The following RPS6KC1 variants were observed in gnomAD, a reference collection of about 807,000 sequenced individuals.
The protein encoded by RPS6KC1 is inactive ribosomal protein S6 kinase delta-1.
A neutral mutation model predicts 103.8 loss-of-function variants in RPS6KC1; 54 were observed. The ratio of observed to expected loss-of-function variants is 0.52; its 90% CI spans 0.42 to 0.65. The LOEUF is 0.65. RPS6KC1 is among the 30% of genes least tolerant of loss of function. The pLI, the probability that RPS6KC1 is intolerant of heterozygous loss-of-function variation, is 0.00. For synonymous variants in RPS6KC1, 439 were observed against 438.7 expected (o/e 1.00, Z -0.01); for missense variants, 1,151 against 1,253.8 (o/e 0.92, Z 1.24).
chr1:213,743,360 C>A, the RPS6KC1 span, among the ~76,000 whole-genome samples: 1 of 151,936 alleles, frequency 6.6e-6, no homozygotes, highest in African/African-American at 2.4e-5. Context: ...TAAACATGAA[C>A]AATAGACACT....
the RPS6KC1 span, among the ~76,000 whole-genome samples, chr1:213,810,105 C>A: frequency 6.6e-6 from 1 of 152,168 alleles, no homozygotes; most frequent in African/African-American, 2.4e-5. Flanking sequence ...CGTTGAGAAG[C>A]CTTGGAGGGC....
At chr1:213,700,571 T>C in the RPS6KC1 span, among the ~76,000 whole-genome samples, 1 of 151,988 alleles carries the variant, frequency 6.6e-6, no homozygotes, top group Non-Finnish European at 1.5e-5. Flanking sequence ...TTTAGGATTT[T>C]TTTTTTCTAT....
the RPS6KC1 span, among the ~76,000 whole-genome samples, chr1:213,581,592 A>G: frequency 1.3e-5 from 2 of 152,064 alleles, no homozygotes; most frequent in Admixed American, 1.3e-4. Context: ...CCATGTGGAA[A>G]AATGCCCAGG....
chr1:213,573,258 A>G, the RPS6KC1 span, among the ~76,000 whole-genome samples: 5 of 152,326 alleles, frequency 3.3e-5, no homozygotes, highest in Admixed American at 1.3e-4. Context: ...GCAGGCCACT[A>G]TAGTTCCAGG....
At chr1:213,761,063 T>A in the RPS6KC1 span, among the ~76,000 whole-genome samples, 1 of 152,060 alleles carries the variant, frequency 6.6e-6, no homozygotes, top group Non-Finnish European at 1.5e-5. Flanking sequence ...CTGGTCTCGG[T>A]GACTCTGTTA....
At chr1:213,552,243 G>T in the RPS6KC1 span, among the ~76,000 whole-genome samples, 1 of 152,206 alleles carries the variant, frequency 6.6e-6, no homozygotes, top group Non-Finnish European at 1.5e-5. Context: ...GGATGATGTA[G>T]TAAGAGTATG....
the RPS6KC1 span, among the ~76,000 whole-genome samples, chr1:213,479,276 C>T: frequency 6.6e-6 from 1 of 152,028 alleles, no homozygotes; most frequent in Admixed American, 6.6e-5. Flanking sequence ...ACAAGATTTG[C>T]AGAGTATCTA....
the RPS6KC1 span, among the ~76,000 whole-genome samples, chr1:213,283,923 AC>A: frequency 6.6e-6 from 1 of 152,184 alleles, no homozygotes; most frequent in Non-Finnish European, 1.5e-5. Flanking sequence ...GTTGAGGAAA[AC>A]TAATTTCATG....
the RPS6KC1 span, among the ~76,000 whole-genome samples, chr1:213,783,920 A>G: frequency 6.6e-6 from 1 of 150,688 alleles, no homozygotes; most frequent in Non-Finnish European, 1.5e-5. Context: ...ATCCAATTCT[A>G]TTGTTCCTTT....
chr1:213,168,898 TA>T (rs1392735844), intron 7 of RPS6KC1, among the ~76,000 whole-genome samples: 1 of 152,154 alleles, frequency 6.6e-6, no homozygotes, highest in African/African-American at 2.4e-5. Flanking sequence ...TTTATTTTCT[TA>T]ATTGATCTAA....
At chr1:213,303,255 G>T in the RPS6KC1 span, among the ~76,000 whole-genome samples, 1 of 152,196 alleles carries the variant, frequency 6.6e-6, no homozygotes, top group African/African-American at 2.4e-5. Context: ...AGAGGATAAA[G>T]ATGTCCTTGC....
the RPS6KC1 span, among the ~76,000 whole-genome samples, chr1:213,442,921 C>T: frequency 6.6e-6 from 1 of 151,936 alleles, no homozygotes; most frequent in African/African-American, 2.4e-5. Context: ...GGAGTGGGCA[C>T]CCAAAACCTA....
At chr1:213,614,588 C>G in the RPS6KC1 span, among the ~76,000 whole-genome samples, 1 of 152,182 alleles carries the variant, frequency 6.6e-6, no homozygotes, top group African/African-American at 2.4e-5. Flanking sequence ...AGCATTATTC[C>G]CAATTCCCAA....
the RPS6KC1 span, among the ~76,000 whole-genome samples, chr1:213,774,951 A>G: frequency 6.6e-6 from 1 of 152,218 alleles, no homozygotes; most frequent in South Asian, 2.1e-4. Flanking sequence ...TGGCAAACAT[A>G]TAGAAGCACC....
intron 6 of RPS6KC1, among the ~76,000 whole-genome samples, chr1:213,154,097 T>G (rs547645183): frequency 6.6e-6 from 1 of 152,308 alleles, no homozygotes; most frequent in Admixed American, 6.5e-5. Context: ...TTTCCTTACT[T>G]TCTCCCAAAC....
chr1:213,416,254 G>C, the RPS6KC1 span, among the ~76,000 whole-genome samples: 1 of 152,264 alleles, frequency 6.6e-6, no homozygotes, highest in Non-Finnish European at 1.5e-5. Flanking sequence ...CTGTTTCAGA[G>C]GTCACTGTAG....
chr1:213,568,388 A>G, the RPS6KC1 span, among the ~76,000 whole-genome samples: 1 of 152,216 alleles, frequency 6.6e-6, no homozygotes, highest in African/African-American at 2.4e-5. Context: ...TTCCCCAGAG[A>G]TGAAAGGAAG....
chr1:213,744,550 T>A, the RPS6KC1 span, among the ~76,000 whole-genome samples: 3 of 152,246 alleles, frequency 2.0e-5, no homozygotes, highest in Non-Finnish European at 4.4e-5. Context: ...CTATTTGCTG[T>A]GTAGCCTTTT....
the RPS6KC1 span, among the ~76,000 whole-genome samples, chr1:213,343,737 GCCACT>G: frequency 6.6e-6 from 1 of 151,428 alleles, no homozygotes; most frequent in African/African-American, 2.4e-5. Context: ...CCCAGAAATC[GCCACT>G]AAAGAACTTC....
Sources: allele counts gnomAD v4.1 joint callset (sites outside exome capture counted in the v4.1 genomes callset), GRCh38; gene constraint gnomAD v4.1.1; transcripts MANE v1.5; gene names NCBI Gene and HGNC (gene_info 2026-07-23, HGNC 2026-07-21).